NRP1: variants seen among roughly 807,000 people sequenced by gnomAD.
NRP1 encodes neuropilin 1.
NRP1 carries 35 observed loss-of-function variants against 106.7 expected under a neutral mutation model. The observed-to-expected ratio is 0.33, with a 90% CI of 0.25 to 0.43. The LOEUF (loss-of-function observed/expected upper bound fraction) is 0.43. Ranked by LOEUF, NRP1 falls within the 20% of genes least tolerant of loss-of-function variation. The probability of loss-of-function intolerance (pLI) is 1.00; values close to 1 mark genes in which losing one functional copy is unlikely to be tolerated. For synonymous variants in NRP1, 437 were observed against 417.9 expected, an observed-to-expected ratio of 1.05 and a Z score of -0.56; for missense variants, 1,024 against 1,170.4, an observed-to-expected ratio of 0.87 and a Z score of 1.83.
rs182729816 is a variant in NRP1, at chr10:33,269,247, C to T, written c.430+1428G>A. On this transcript the variant is annotated intron_variant, in intron 3 of 16. Coordinates refer to ENST00000374867, the MANE Select transcript of NRP1 (RefSeq NM_003873.7). ...GGCAGTTGCTAAAAACAGTGGCAAC[C>T]AGATAAAGTTACATGTTTGTTAATT... 3.3e-3 allele frequency among the ~76,000 whole-genome samples: 501 copies of T among 152,208 alleles called. 1 individual carries two copies. The highest frequency in any genetic ancestry group is 0.011 in the African/African-American group (474 of 41,516).
chr10:33,284,287 C>A (rs891324968), intron 2 of NRP1, among the ~76,000 whole-genome samples: 1 of 152,158 alleles, frequency 6.6e-6, no homozygotes, highest in African/African-American at 2.4e-5. Flanking sequence ...AGCTTAATGT[C>A]TTTGAATACA....
intron 6 of NRP1, among the ~76,000 whole-genome samples, chr10:33,240,484 C>T (rs944391918): frequency 6.6e-6 from 1 of 152,166 alleles, no homozygotes; most frequent in African/African-American, 2.4e-5. Flanking sequence ...TGTCTACCTT[C>T]CCCTTTAAGC....
intron 2 of NRP1, among the ~76,000 whole-genome samples, chr10:33,272,728 T>C (rs1013958946): frequency 6.6e-6 from 1 of 152,160 alleles, no homozygotes; most frequent in Non-Finnish European, 1.5e-5. Flanking sequence ...GCCCCACGCT[T>C]TCTTATAATT....
Position 33,222,498 on chromosome 10 carries a change from GATTT to G in NRP1, c.1138-639_1138-636del, listed in dbSNP as rs35691858. ...AGTTTTTCCAGGGCTTGTGCGTCAA[GATTT>G]ATTTATTTATTTATTTATTTATTTA... is the stretch of plus-strand genomic sequence containing the variant. On this transcript the variant is annotated intron_variant, in intron 7 of 16. Transcript: ENST00000374867. Among the ~76,000 whole-genome samples the G allele has an allele frequency of 1.4e-3, 148 of 104,020 alleles. 1 individual carries two copies. Among genetic ancestry groups the G allele is most frequent in the Middle Eastern group, 4.7e-3 (1 of 212 alleles). The allele number at this position is 104,020 out of a possible 152,430, so 68.2% of individuals were successfully genotyped here.
At chr10:33,186,638 G>T in intron 13 of NRP1, 150 bp from the exon 14 acceptor site, 1 of 847,942 alleles carries the variant, frequency 1.2e-6, no homozygotes. Flanking sequence ...GCACACTTGG[G>T]GACCTCATGG....
At chr10:33,308,702 T>C (rs1342024980) in intron 2 of NRP1, among the ~76,000 whole-genome samples, 4 of 152,118 alleles carry the variant, frequency 2.6e-5, no homozygotes, top group Non-Finnish European at 5.9e-5. Flanking sequence ...TTGGCCTGGC[T>C]GGTCTTGAAC....
At chr10:33,250,546 A>G (rs1841780989) in intron 6 of NRP1, among the ~76,000 whole-genome samples, 2 of 152,214 alleles carry the variant, frequency 1.3e-5, no homozygotes, top group Admixed American at 6.5e-5. Flanking sequence ...GGTGATGGAC[A>G]TTTCATAAAA....
intron 11 of NRP1, among the ~76,000 whole-genome samples, chr10:33,199,365 T>TTTTATATA (rs57582967): frequency 6.1e-4 from 39 of 64,260 alleles, no homozygotes; most frequent in African/African-American, 2.0e-3. Flanking sequence ...CCTGGCTGTT[T>TTTTATATA]TCTATATATA....
rs148862757 is a variant in NRP1 at position 33,243,978 on chromosome 10, C to T, written c.981+10050G>A. Among the ~76,000 whole-genome samples the T allele has an allele frequency of 3.3e-3, 495 of 149,884 alleles. 6 individuals are homozygous for T. Among genetic ancestry groups the T allele is most frequent in the African/African-American group, 0.012 (471 of 40,642 alleles). Reference sequence around the variant, plus strand: ...GTGTGTGTGTGTGCATGCATGCTTGCGTCTGCCTATGTTTCAGATCAGCAT... The same window carrying T: ...GTGTGTGTGTGTGCATGCATGCTTGTGTCTGCCTATGTTTCAGATCAGCAT... On this transcript the variant is annotated intron_variant, in intron 6 of 16. Transcript: ENST00000374867.
chr10:33,251,872 C>A (rs972673986), intron 6 of NRP1, among the ~76,000 whole-genome samples: 1 of 152,022 alleles, frequency 6.6e-6, no homozygotes, highest in African/African-American at 2.4e-5. Context: ...GGCAAGAGCG[C>A]GGTCCCTTTA....
chr10:33,294,801 T>C (rs1465069382), intron 2 of NRP1, among the ~76,000 whole-genome samples: 1 of 152,074 alleles, frequency 6.6e-6, no homozygotes. Flanking sequence ...GGGCCTTCGT[T>C]TCCTCATCTG....
chr10:33,269,350 C>A (rs890406372), intron 3 of NRP1, among the ~76,000 whole-genome samples: 1 of 152,112 alleles, frequency 6.6e-6, no homozygotes, highest in African/African-American at 2.4e-5. Flanking sequence ...TGGAGTGCAG[C>A]GGCACGATCA....
intron 13 of NRP1, 38 bp from the exon 14 acceptor site, chr10:33,186,526 G>A: frequency 6.4e-7 from 1 of 1,566,682 alleles, no homozygotes; most frequent in Non-Finnish European, 8.7e-7. Flanking sequence ...AGAGTGGCCA[G>A]GATTACCACA....
chr10:33,319,957 A>G (rs1020823333), intron 2 of NRP1, among the ~76,000 whole-genome samples: 5 of 150,760 alleles, frequency 3.3e-5, no homozygotes, highest in African/African-American at 1.2e-4. Flanking sequence ...GGTCAGCTAG[A>G]CCGCGAACCC....
chr10:33,263,328 G>A (rs550888959), intron 4 of NRP1, among the ~76,000 whole-genome samples: 1 of 152,254 alleles, frequency 6.6e-6, no homozygotes, highest in Non-Finnish European at 1.5e-5. Context: ...CCAGGTCAGT[G>A]GATGAGCAAA....
intron 10 of NRP1, among the ~76,000 whole-genome samples, chr10:33,203,306 C>T (rs1420077776): frequency 6.6e-6 from 1 of 152,186 alleles, no homozygotes; most frequent in Non-Finnish European, 1.5e-5. Flanking sequence ...GTTATTTATT[C>T]AGGACCCTGG....
chr10:33,305,568 C>T (rs1007521701), intron 2 of NRP1, among the ~76,000 whole-genome samples: 1 of 152,050 alleles, frequency 6.6e-6, no homozygotes, highest in Non-Finnish European at 1.5e-5. Context: ...CACTGTGGAC[C>T]CACTCACTGG....
intron 11 of NRP1, chr10:33,202,413 T>A (rs1837390210): frequency 2.0e-6 from 1 of 491,974 alleles, no homozygotes; most frequent in Non-Finnish European, 3.5e-6. Context: ...TACAATGATT[T>A]ACCAAATCCC....
In NRP1 at chr10:33,204,765, C is replaced by G. The variant is rs557659604; in HGVS notation, c.1760-1770G>C. ...TCTTTTTTTGAGATGGAGTTTCACT[C>G]TTGTCACCCAGGCTGGAGTACAATG... On this transcript the variant is annotated intron_variant, in intron 10 of 16. Coordinates refer to ENST00000374867, the MANE Select transcript of NRP1 (RefSeq NM_003873.7). Among the ~76,000 whole-genome samples, 7 of 152,188 alleles carry G rather than the reference C, an allele frequency of 4.6e-5. No homozygotes were observed. The East Asian group carries it at 1.4e-3, about 29-fold the overall frequency.
Sources: gnomAD v4.1 joint callset for allele counts (sites outside exome capture counted in the v4.1 genomes callset) on GRCh38, gnomAD v4.1.1 for gene constraint, MANE v1.5 for transcripts, NCBI Gene and HGNC (gene_info 2026-07-23, HGNC 2026-07-21) for gene names.